Variants in ERBB4 observed in about 807,000 individuals in gnomAD.
ERBB4 encodes the protein erb-b2 receptor tyrosine kinase 4.
In ERBB4, 42 loss-of-function variants were observed where a neutral mutation model predicts 158.0. That is an observed-to-expected ratio of 0.27 (90% CI 0.21 to 0.34). ERBB4 has a LOEUF of 0.34. Among genes scored for constraint, ERBB4 ranks in the 10% least tolerant of loss-of-function variants. ERBB4 has a pLI of 1.00. For missense variants in ERBB4, 1,333 were observed against 1,624.1 expected (o/e 0.82, Z 3.08); for synonymous variants, 583 against 558.7 (o/e 1.04, Z -0.61).
At chr2:212,381,380 A>T (rs935767508) in intron 1 of ERBB4, among the ~76,000 whole-genome samples, 8 of 151,308 alleles carry the variant, frequency 5.3e-5, no homozygotes, top group African/African-American at 1.9e-4. Flanking sequence ...AGCCTTTTTC[A>T]TCTGTATACC....
intron 16 of ERBB4, among the ~76,000 whole-genome samples, chr2:211,648,616 G>C (rs1218840743): frequency 6.6e-6 from 1 of 151,720 alleles, no homozygotes; most frequent in Admixed American, 6.6e-5. Flanking sequence ...ATGTTTGACT[G>C]TATCAACAGT....
intron 6 of ERBB4, among the ~76,000 whole-genome samples, chr2:211,724,407 G>GA (rs563161581): frequency 3.3e-5 from 5 of 150,394 alleles, no homozygotes; most frequent in Non-Finnish European, 5.9e-5. Context: ...ATATTTGAGA[G>GA]AAAAAAATTT....
At chr2:211,520,840 A>G (rs1393425134) in intron 20 of ERBB4, among the ~76,000 whole-genome samples, 1 of 152,108 alleles carries the variant, frequency 6.6e-6, no homozygotes, top group African/African-American at 2.4e-5. Context: ...TATAATTATT[A>G]TATCTATTAT....
intron 7 of ERBB4, among the ~76,000 whole-genome samples, chr2:211,717,291 A>G (rs1156750810): frequency 6.6e-6 from 1 of 152,214 alleles, no homozygotes; most frequent in African/African-American, 2.4e-5. Context: ...ATGGTGACAT[A>G]TAGGGTGACT....
chr2:211,706,498 G>C (rs1479410339), intron 9 of ERBB4, among the ~76,000 whole-genome samples: 1 of 151,160 alleles, frequency 6.6e-6, no homozygotes, highest in Non-Finnish European at 1.5e-5. Context: ...AAGAGTATCA[G>C]TTCCAGCAAC....
chr2:212,013,017 C>T (rs1394857476), intron 2 of ERBB4, among the ~76,000 whole-genome samples: 1 of 151,576 alleles, frequency 6.6e-6, no homozygotes, highest in Non-Finnish European at 1.5e-5. Context: ...AGTGCTGATA[C>T]TACAGGCATG....
chr2:211,980,736 T>C (rs10205607), intron 2 of ERBB4, among the ~76,000 whole-genome samples: 73,612 of 152,012 alleles, frequency 0.48, 18,583 homozygotes, highest in East Asian at 0.6. Context: ...ATAGATGCTT[T>C]GTTTGAAAAT....
intron 1 of ERBB4, among the ~76,000 whole-genome samples, chr2:212,183,092 G>C (rs1322807592): frequency 1.3e-5 from 2 of 151,858 alleles, no homozygotes; most frequent in East Asian, 3.9e-4. Context: ...GTCTCCTTAA[G>C]TTAAAACGAT....
At chr2:211,456,181 G>A (rs113261196) in intron 20 of ERBB4, among the ~76,000 whole-genome samples, 2,629 of 152,138 alleles carry the variant, frequency 0.017, 23 homozygotes, top group African/African-American at 0.029. Context: ...AAGTGATCCC[G>A]ATAACTACCT....
chr2:211,414,790 G>C (rs1419118338), intron 25 of ERBB4, among the ~76,000 whole-genome samples: 1 of 152,026 alleles, frequency 6.6e-6, no homozygotes, highest in Non-Finnish European at 1.5e-5. Flanking sequence ...TATGGCCTTT[G>C]TGTGGGACAA....
chr2:211,554,534 G>C (rs2067187082), intron 20 of ERBB4, among the ~76,000 whole-genome samples: 1 of 152,190 alleles, frequency 6.6e-6, no homozygotes, highest in Non-Finnish European at 1.5e-5. Flanking sequence ...GGCAGCTGTA[G>C]AGCTGCTAGA....
chr2:211,922,106 C>A (rs535574261), intron 3 of ERBB4, among the ~76,000 whole-genome samples: 18 of 152,182 alleles, frequency 1.2e-4, no homozygotes, highest in African/African-American at 4.1e-4. Flanking sequence ...ATTAAGAATT[C>A]ACCAGCATTA....
chr2:211,624,069 A>T (rs777195688), intron 17 of ERBB4, 25 bp from the exon 18 acceptor site: 1 of 1,613,764 alleles, frequency 6.2e-7, no homozygotes, highest in Non-Finnish European at 8.5e-7. Flanking sequence ...GAAGAAGGTT[A>T]TACTTTCAGT....
intron 1 of ERBB4, among the ~76,000 whole-genome samples, chr2:212,178,322 A>T (rs2081743427): frequency 6.6e-6 from 1 of 151,630 alleles, no homozygotes; most frequent in Non-Finnish European, 1.5e-5. Context: ...TTAAGAGGAC[A>T]CTAAAGGATT....
At chr2:211,390,542 C>G (rs1396198048) in intron 25 of ERBB4, among the ~76,000 whole-genome samples, 1 of 152,176 alleles carries the variant, frequency 6.6e-6, no homozygotes, top group Admixed American at 6.5e-5. Context: ...CGTAAACAAT[C>G]AAAGGAACAA....
chr2:212,324,545 T>C (rs2087734919), intron 1 of ERBB4, among the ~76,000 whole-genome samples: 1 of 149,106 alleles, frequency 6.7e-6, no homozygotes, highest in African/African-American at 2.4e-5. Context: ...TGCTACATAA[T>C]AGGAATTCTA....
chr2:211,884,284 C>A (rs1232656034), intron 3 of ERBB4, among the ~76,000 whole-genome samples: 3 of 152,128 alleles, frequency 2.0e-5, no homozygotes, highest in Non-Finnish European at 4.4e-5. Context: ...AATTCCTCTT[C>A]TTTCTCTAGT....
rs1574501863 is a variant in ERBB4, at chr2:211,383,550, G to A, written c.*65C>T. The A allele has an allele frequency of 7.2e-7, 1 of 1,382,024 alleles. No homozygotes were observed. Among genetic ancestry groups the A allele is most frequent in the South Asian group, 1.2e-5 (1 of 85,310 alleles). 85.6% of individuals were successfully genotyped at this position (1,382,024 alleles called of 1,614,324 possible). On this transcript the variant is annotated 3_prime_UTR_variant, in exon 28 of 28. Coordinates refer to ENST00000342788, the MANE Select transcript of ERBB4 (RefSeq NM_005235.3). ...TTGGGGTAGAAGGAAGACCACCAGA[G>A]AAAGAGAGGGGGGTGGGGAAATTGG... is the stretch of plus-strand genomic sequence containing the variant.
intron 1 of ERBB4, among the ~76,000 whole-genome samples, chr2:212,242,023 C>G (rs1412598095): frequency 2.0e-5 from 3 of 151,824 alleles, no homozygotes; most frequent in Non-Finnish European, 4.4e-5. Flanking sequence ...CATTTTTATA[C>G]TAGGACATTT....
Sources: gnomAD v4.1 joint callset for allele counts (sites outside exome capture counted in the v4.1 genomes callset) on GRCh38, gnomAD v4.1.1 for gene constraint, MANE v1.5 for transcripts, NCBI Gene and HGNC (gene_info 2026-07-23, HGNC 2026-07-21) for gene names.